The following PLEKHA7 variants were observed in gnomAD, a reference collection of about 807,000 sequenced individuals.
PLEKHA7 encodes the protein pleckstrin homology domain containing A7.
A neutral mutation model predicts 170.0 loss-of-function variants in PLEKHA7; 104 were observed. The observed-to-expected ratio is 0.61, with a 90% CI of 0.52 to 0.72. The LOEUF is 0.72. PLEKHA7 is among the 30% of genes least tolerant of loss of function. PLEKHA7 has a pLI of 0.00. For missense variants in PLEKHA7, 1,615 were observed against 1,671.7 expected, an observed-to-expected ratio of 0.97 and a Z score of 0.59; for synonymous variants, 648 against 660.8, an observed-to-expected ratio of 0.98 and a Z score of 0.30.
intron 3 of PLEKHA7, among the ~76,000 whole-genome samples, chr11:16,948,797 T>C (rs1437698351): frequency 6.6e-6 from 1 of 152,184 alleles, no homozygotes; most frequent in Non-Finnish European, 1.5e-5. Context: ...CAGAACTTGA[T>C]CATGAGCTCC....
chr11:16,890,848 A>AT (rs1565078171), intron 3 of PLEKHA7, among the ~76,000 whole-genome samples: 13 of 151,550 alleles, frequency 8.6e-5, no homozygotes, highest in South Asian at 2.1e-4. Context: ...AACATGAAAA[A>AT]ATATATATAT....
At chr11:16,793,492 T>TC (rs1186860597) in intron 19 of PLEKHA7, among the ~76,000 whole-genome samples, 1 of 152,172 alleles carries the variant, frequency 6.6e-6, no homozygotes, top group African/African-American at 2.4e-5. Flanking sequence ...GCAGCAGAAC[T>TC]CATGTGTTTT....
At chr11:16,861,887 CT>C (rs113197287) in intron 4 of PLEKHA7, among the ~76,000 whole-genome samples, 1 of 151,852 alleles carries the variant, frequency 6.6e-6, no homozygotes, top group Non-Finnish European at 1.5e-5. Flanking sequence ...ACACCAGCAC[CT>C]TTTTTTTAGT....
chr11:16,935,416 C>T (rs376250906), intron 3 of PLEKHA7, among the ~76,000 whole-genome samples: 2 of 152,086 alleles, frequency 1.3e-5, no homozygotes, highest in African/African-American at 2.4e-5. Context: ...AGTGAGACTC[C>T]GTCTCAAAAA....
intron 4 of PLEKHA7, among the ~76,000 whole-genome samples, chr11:16,867,811 T>G (rs192987692): frequency 1.2e-4 from 19 of 152,324 alleles, no homozygotes; most frequent in Non-Finnish European, 1.3e-4. Flanking sequence ...CAGCTGTGAA[T>G]GACACCTACA....
chr11:17,007,576 T>A (rs1445502548), intron 3 of PLEKHA7, among the ~76,000 whole-genome samples: 1 of 21,594 alleles, frequency 4.6e-5, no homozygotes, highest in Admixed American at 6.6e-4. Flanking sequence ...TAAAGATGCT[T>A]TTTTTTTTTT....
intron 3 of PLEKHA7, among the ~76,000 whole-genome samples, chr11:16,967,504 G>C (rs1302541812): frequency 6.6e-6 from 1 of 152,218 alleles, no homozygotes; most frequent in Admixed American, 6.5e-5. Flanking sequence ...GGTGAGGGGA[G>C]GAAACAGCTC....
chr11:16,789,347 C>T lies in PLEKHA7; in HGVS notation c.3157-51G>A, dbSNP rs760730302. ...AGACACAGAACAGCTGGGCTGGGCACGCAGAGGACAGCCACCCTGCTGGCT... is the reference window on the plus strand; with the variant it reads ...AGACACAGAACAGCTGGGCTGGGCATGCAGAGGACAGCCACCCTGCTGGCT... On this transcript the variant is annotated intron_variant, in intron 22 of 26. Transcript: ENST00000531066. This position sits in a 1 kb window ranked among gnomAD's most constrained non-coding sequence, Gnocchi z 4.6. The T allele has an allele frequency of 4.9e-5, 77 of 1,571,972 alleles. No homozygotes were observed. The highest frequency in any genetic ancestry group is 6.5e-5 in the Non-Finnish European group (75 of 1,148,526).
chr11:17,007,649 C>T (rs1378635221), intron 3 of PLEKHA7, among the ~76,000 whole-genome samples: 4 of 150,796 alleles, frequency 2.7e-5, no homozygotes, highest in African/African-American at 2.5e-5. Context: ...GCTCAGTTCA[C>T]GGCAACCTCC....
intron 3 of PLEKHA7, among the ~76,000 whole-genome samples, chr11:16,990,286 A>AAAAAAAAAAAACC (rs1863961490): frequency 1.0e-4 from 11 of 108,216 alleles, no homozygotes; most frequent in Admixed American, 8.6e-4. Flanking sequence ...AAAAAAAAAA[A>AAAAAAAAAAAACC]AAAAAAAAAA....
intron 3 of PLEKHA7, among the ~76,000 whole-genome samples, chr11:16,928,691 G>C (rs1376974029): frequency 6.6e-6 from 1 of 151,960 alleles, no homozygotes; most frequent in African/African-American, 2.4e-5. Context: ...CTGGGCTCAA[G>C]TGATCCTCCC....
In PLEKHA7 at chr11:16,947,437, G is replaced by A. The variant is rs189535635; in HGVS notation, c.221+66552C>T. Among the ~76,000 whole-genome samples, 636 of 151,526 alleles carry A rather than the reference G, an allele frequency of 4.2e-3. 3 individuals are homozygous for A. Among genetic ancestry groups the A allele is most frequent in the African/African-American group, 0.014 (597 of 41,280 alleles). On this transcript the variant is annotated intron_variant, in intron 3 of 26. Coordinates refer to ENST00000531066, the MANE Select transcript of PLEKHA7 (RefSeq NM_001329630.2). ...AAAACTCCGTCTCTACTAAAAATACGAAAATTAGCCAGGCATGGTGAGAGG... is the reference window on the plus strand; with the variant it reads ...AAAACTCCGTCTCTACTAAAAATACAAAAATTAGCCAGGCATGGTGAGAGG...
chr11:16,841,438 A>G, intron 9 of PLEKHA7, 109 bp downstream of exon 9: 1 of 1,235,164 alleles, frequency 8.1e-7, no homozygotes, highest in Non-Finnish European at 1.1e-6. Flanking sequence ...AGAGAGGGCA[A>G]TGCTTAATAC....
At chr11:16,818,390 CT>C (rs1203233501) in intron 10 of PLEKHA7, among the ~76,000 whole-genome samples, 2 of 152,226 alleles carry the variant, frequency 1.3e-5, no homozygotes, top group African/African-American at 4.8e-5. Context: ...GCCCTTCTTA[CT>C]CTTATAACAC....
chr11:16,913,612 A>G (rs1465736691), intron 3 of PLEKHA7, among the ~76,000 whole-genome samples: 1 of 152,236 alleles, frequency 6.6e-6, no homozygotes, highest in Non-Finnish European at 1.5e-5. Flanking sequence ...TTTAAAATGC[A>G]GCAGATGAGA....
At chr11:16,827,694 T>C (rs950670284) in intron 9 of PLEKHA7, among the ~76,000 whole-genome samples, 3 of 152,062 alleles carry the variant, frequency 2.0e-5, no homozygotes, top group African/African-American at 7.2e-5. Context: ...AGGGATACAA[T>C]AGTGGCTCCA....
chr11:16,785,100 C>T lies in PLEKHA7; in HGVS notation c.3516+1129G>A, dbSNP rs1003576447. ...CAACTGTACAGGCATCTATCTTATC[C>T]ACACACTGTTCCTTTGTTCCCAAAG... On this transcript the variant is annotated intron_variant, in intron 24 of 26. Transcript: ENST00000531066. Among the ~76,000 whole-genome samples, 7 of 152,124 alleles carry T rather than the reference C, an allele frequency of 4.6e-5. No individual in the cohort carries two copies. The South Asian group carries it at 1.0e-3, about 23-fold the overall frequency.
chr11:16,819,156 G>A (rs768898651), intron 10 of PLEKHA7, among the ~76,000 whole-genome samples: 11 of 151,344 alleles, frequency 7.3e-5, no homozygotes, highest in Non-Finnish European at 1.3e-4. Flanking sequence ...GGAGTGCAGC[G>A]GTGCAATCTT....
At chr11:16,832,676 T>C (rs780980176) in intron 9 of PLEKHA7, among the ~76,000 whole-genome samples, 6 of 152,174 alleles carry the variant, frequency 3.9e-5, no homozygotes, top group Admixed American at 6.5e-5. Context: ...AGGGGCTTGA[T>C]TGAACCTTAG....
Sources: gnomAD v4.1 joint callset for allele counts (sites outside exome capture counted in the v4.1 genomes callset) on GRCh38, gnomAD v4.1.1 for gene constraint, Gnocchi (gnomAD v3.1) non-coding constraint, MANE v1.5 for transcripts, NCBI Gene and HGNC (gene_info 2026-07-23, HGNC 2026-07-21) for gene names.